Variants in TFCP2L1 observed in about 807,000 individuals in gnomAD.
TFCP2L1 encodes the protein transcription factor CP2 like 1.
A neutral mutation model predicts 72.2 loss-of-function variants in TFCP2L1; 12 were observed. The observed-to-expected ratio is 0.17, with a 90% CI of 0.11 to 0.27. The LOEUF (loss-of-function observed/expected upper bound fraction) is 0.27. Ranked by LOEUF, TFCP2L1 falls within the 10% of genes least tolerant of loss-of-function variation. TFCP2L1 has a pLI of 1.00. For missense variants in TFCP2L1, 488 were observed against 624.6 expected (o/e 0.78, Z 2.33); for synonymous variants, 260 against 251.0 (o/e 1.04, Z -0.34).
chr2:121,240,670 A>T, intron 7 of TFCP2L1: 1 of 985,370 alleles, frequency 1.0e-6, no homozygotes, highest in Non-Finnish European at 1.2e-6. Context: ...CAGTCAGCAG[A>T]GGAGCAGAGA....
chr2:121,236,880 C>T (rs530683908), intron 10 of TFCP2L1, among the ~76,000 whole-genome samples: 3 of 152,200 alleles, frequency 2.0e-5, no homozygotes, highest in African/African-American at 4.8e-5. Flanking sequence ...ACACAAGTCA[C>T]GCTGCACCGA....
At chr2:121,227,408 G>A (rs904967837) in intron 13 of TFCP2L1, among the ~76,000 whole-genome samples, 13 of 151,824 alleles carry the variant, frequency 8.6e-5, no homozygotes, top group South Asian at 4.2e-4. Context: ...CAGGCCGGGC[G>A]CGGTGGCTCA....
At chr2:121,253,162 T>G (rs1232821205) in intron 2 of TFCP2L1, among the ~76,000 whole-genome samples, 1 of 152,216 alleles carries the variant, frequency 6.6e-6, no homozygotes, top group Non-Finnish European at 1.5e-5. Context: ...CCATGCCCAC[T>G]GGGTCAGACT....
At chr2:121,228,838 A>C (rs190105027) in intron 13 of TFCP2L1, among the ~76,000 whole-genome samples, 20 of 149,944 alleles carry the variant, frequency 1.3e-4, no homozygotes, top group Non-Finnish European at 1.2e-4. Flanking sequence ...CGTAATTCTT[A>C]ACTGGTGAAC....
At chr2:121,229,098 G>A (rs1046973148) in intron 13 of TFCP2L1, among the ~76,000 whole-genome samples, 2 of 151,868 alleles carry the variant, frequency 1.3e-5, no homozygotes, top group Admixed American at 1.3e-4. Flanking sequence ...TGTGTTTTTA[G>A]TAGAGACAGG....
intron 6 of TFCP2L1, among the ~76,000 whole-genome samples, chr2:121,245,856 G>T (rs1433895233): frequency 6.6e-6 from 1 of 152,168 alleles, no homozygotes; most frequent in Non-Finnish European, 1.5e-5. Context: ...CGTGCCTTCG[G>T]TCTGGGGGAA....
rs369690176 is a variant in TFCP2L1, at chr2:121,235,262, A to T, written c.1053T>A (p.Gly351=). 1 of 1,614,030 alleles carries T rather than the reference A, an allele frequency of 6.2e-7. No individual in the cohort carries two copies. Among genetic ancestry groups the T allele is most frequent in the Non-Finnish European group, 8.5e-7 (1 of 1,180,028 alleles). ...TGAAGAGCCGGATCCCATCTGCGGG[A>T]CCACAGATCTGGACCAAATCATCTC... The part of the protein sequence containing the change: ...MSRDDLVQIC[G]PADGIRLFNA... The change falls in exon 11 of 15, where the codon GGT becomes GGA. Residue 351 remains glycine (G), a synonymous_variant. Coordinates refer to ENST00000263707, the MANE Select transcript of TFCP2L1 (RefSeq NM_014553.3).
Position 121,237,680 on chromosome 2 carries a change from G to C in TFCP2L1, c.946C>G (p.Gln316Glu). 1 of 1,614,240 alleles carries C rather than the reference G, an allele frequency of 6.2e-7. No individual in the cohort carries two copies. The highest frequency in any genetic ancestry group is 8.5e-7 in the Non-Finnish European group (1 of 1,180,050). The change falls in exon 10 of 15, where the codon CAG (glutamine) becomes GAG (glutamate). Residue 316 changes from glutamine (Q) to glutamate (E), a missense_variant. By Grantham distance (29) the Gln-to-Glu change is conservative. Transcript: ENST00000263707. ...GAGAACCTGTTGCGGTGAAGCCACT[G>C]CTGGGCATCCTGGATCGAAGCTGAT... ...LPSASIQDAQ[Q>E]WLHRNRFSQF... is the part of the protein sequence containing the mutation.
At chr2:121,254,802 CAAA>C (rs35562172) in intron 2 of TFCP2L1, among the ~76,000 whole-genome samples, 1 of 121,354 alleles carries the variant, frequency 8.2e-6, no homozygotes. Flanking sequence ...GACTCCGTTT[CAAA>C]AAAAAAAAAA....
intron 2 of TFCP2L1, among the ~76,000 whole-genome samples, chr2:121,264,306 G>C (rs372874848): frequency 7.1e-4 from 108 of 152,292 alleles, no homozygotes; most frequent in African/African-American, 2.5e-3. Flanking sequence ...TCTCTACTAA[G>C]GCAACACAGC....
chr2:121,254,114 G>A (rs531904722), intron 2 of TFCP2L1, among the ~76,000 whole-genome samples: 8 of 152,184 alleles, frequency 5.3e-5, no homozygotes, highest in Admixed American at 1.3e-4. Context: ...GAGAAGGCGC[G>A]GGTCGTGTCT....
Position 121,285,106 on chromosome 2 carries a change from G to A in TFCP2L1, c.4C>T (p.Leu2Phe). ...TGCTCGGGCTGCGTGTGCCAGAAGA[G>A]CATGGCTGGAACTCCCAGCGCGCCG... M[L>F]FWHTQPEHYN... The change falls in exon 1 of 15, where the codon CTC (leucine) becomes TTC (phenylalanine). Residue 2 changes from leucine to phenylalanine, a missense_variant. By Grantham distance (22) the Leu-to-Phe change is conservative. This residue lies in a region of TFCP2L1 where 73 missense variants were observed against 59.7 expected (regional missense o/e 1.22). Coordinates refer to ENST00000263707, the MANE Select transcript of TFCP2L1 (RefSeq NM_014553.3). 1 of 1,510,648 alleles carries A rather than the reference G, an allele frequency of 6.6e-7. No homozygotes were observed. Among genetic ancestry groups the A allele is most frequent in the Non-Finnish European group, 8.8e-7 (1 of 1,130,070 alleles). The allele number at this position is 1,510,648 out of a possible 1,614,324, so 93.6% of individuals were successfully genotyped here.
intron 2 of TFCP2L1, among the ~76,000 whole-genome samples, chr2:121,278,105 C>T (rs1157260028): frequency 3.4e-5 from 5 of 147,240 alleles, no homozygotes; most frequent in Non-Finnish European, 7.4e-5. Context: ...GGCGCAATCT[C>T]GGCTCACTGC....
chr2:121,238,959 C>T (rs1686306337), intron 8 of TFCP2L1, among the ~76,000 whole-genome samples: 1 of 152,108 alleles, frequency 6.6e-6, no homozygotes, highest in African/African-American at 2.4e-5. Context: ...CTGCCTCCAC[C>T]CCTGCTGCCA....
chr2:121,265,675 G>A (rs576109181), intron 2 of TFCP2L1, among the ~76,000 whole-genome samples: 1 of 151,768 alleles, frequency 6.6e-6, no homozygotes, highest in African/African-American at 2.4e-5. Flanking sequence ...GTAGAGTCGG[G>A]GTTTCACCAT....
At chr2:121,269,918 A>AAAAAAAAAAAAAAAAAAATATATATATAT in intron 2 of TFCP2L1, among the ~76,000 whole-genome samples, 1 of 115,182 alleles carries the variant, frequency 8.7e-6, no homozygotes, top group African/African-American at 3.7e-5. Context: ...AAAAAAAAAA[A>AAAAAAAAAAAAAAAAAAATATATATATAT]ATATATATAT....
chr2:121,264,173 G>T (rs191270531), intron 2 of TFCP2L1, among the ~76,000 whole-genome samples: 1 of 152,266 alleles, frequency 6.6e-6, no homozygotes, highest in Non-Finnish European at 1.5e-5. Flanking sequence ...GGTCTCGAAG[G>T]CAGGGCCCAG....
chr2:121,266,592 T>C (rs1047802403), intron 2 of TFCP2L1, among the ~76,000 whole-genome samples: 4 of 152,186 alleles, frequency 2.6e-5, no homozygotes, highest in African/African-American at 9.7e-5. Context: ...AAGGTTTTGA[T>C]GCTTCAGTGA....
intron 2 of TFCP2L1, among the ~76,000 whole-genome samples, chr2:121,262,358 G>A (rs908722444): frequency 3.3e-5 from 5 of 152,040 alleles, no homozygotes; most frequent in South Asian, 2.1e-4. Flanking sequence ...CTAGCTACTC[G>A]GGAGGCTGAG....
Sources: gnomAD v4.1 joint callset for allele counts (sites outside exome capture counted in the v4.1 genomes callset) on GRCh38, gnomAD v4.1.1 for gene constraint, gnomAD v4.1.1 regional missense constraint, MANE v1.5 for transcripts, NCBI Gene and HGNC (gene_info 2026-07-23, HGNC 2026-07-21) for gene names.